PSD3: variants seen among roughly 807,000 people sequenced by gnomAD.
PSD3 encodes the protein pleckstrin and Sec7 domain containing 3.
A neutral mutation model predicts 105.5 loss-of-function variants in PSD3; 49 were observed. The observed-to-expected ratio is 0.46, with a 90% CI of 0.37 to 0.59. The LOEUF (loss-of-function observed/expected upper bound fraction) is 0.59. Among genes scored for constraint, PSD3 ranks in the 20% least tolerant of loss-of-function variants. The pLI is 0.00. For synonymous variants in PSD3, 557 were observed against 457.8 expected (o/e 1.22, Z -2.77); for missense variants, 1,561 against 1,263.8 (o/e 1.24, Z -3.57).
chr8:18,676,740 G>C lies in PSD3; in HGVS notation c.2173-21055C>G, dbSNP rs78834834. Among the ~76,000 whole-genome samples the C allele has an allele frequency of 7.4e-3, 1,120 of 152,244 alleles. 9 individuals are homozygous for C. Among genetic ancestry groups the C allele is most frequent in the Admixed American group, 0.012 (179 of 15,296 alleles). ...AGCCAAGCCTGTATACTTTAGCCTT[G>C]ATAACAATATCTGTGCTTTGCCTAA... is the stretch of plus-strand genomic sequence containing the variant. On this transcript the variant is annotated intron_variant, in intron 9 of 15. Transcript: ENST00000327040.
At chr8:19,006,393 AT>A (rs1211074922) in intron 1 of PSD3, among the ~76,000 whole-genome samples, 2 of 151,864 alleles carry the variant, frequency 1.3e-5, no homozygotes, top group African/African-American at 4.8e-5. Context: ...CCCATAATAA[AT>A]ACTAAATAGA....
intron 1 of PSD3, among the ~76,000 whole-genome samples, chr8:18,955,696 G>C (rs528874138): frequency 1.4e-3 from 209 of 152,276 alleles, no homozygotes; most frequent in African/African-American, 4.7e-3. Flanking sequence ...CCCAGGAGTG[G>C]ACAGGGACTG....
At chr8:18,630,261 G>C (rs774523734) in intron 11 of PSD3, among the ~76,000 whole-genome samples, 36 of 151,780 alleles carry the variant, frequency 2.4e-4, no homozygotes, top group Non-Finnish European at 4.3e-4. Flanking sequence ...AGTTAACTAA[G>C]GCTTTAAAGG....
intron 7 of PSD3, 147 bp from the exon 8 acceptor site, chr8:18,799,500 A>T (rs925885049): frequency 3.2e-6 from 2 of 631,950 alleles, no homozygotes; most frequent in Non-Finnish European, 2.7e-6. Flanking sequence ...CAAAAAATGG[A>T]TAAGAATAAT....
intron 1 of PSD3, among the ~76,000 whole-genome samples, chr8:19,070,521 C>G (rs1829219053): frequency 6.6e-6 from 1 of 151,842 alleles, no homozygotes; most frequent in Non-Finnish European, 1.5e-5. Flanking sequence ...ACTAAAAATA[C>G]AAAAAAATTA....
chr8:18,667,126 C>T (rs1799517288), intron 9 of PSD3, among the ~76,000 whole-genome samples: 1 of 152,138 alleles, frequency 6.6e-6, no homozygotes. Context: ...CAGCGAGTTG[C>T]CACTGGTGGC....
At chr8:18,647,851 T>C (rs899755155) in intron 10 of PSD3, among the ~76,000 whole-genome samples, 14 of 152,200 alleles carry the variant, frequency 9.2e-5, no homozygotes, top group Admixed American at 6.5e-4. Flanking sequence ...TGAGATCTGG[T>C]TGTTTAAAGG....
intron 9 of PSD3, chr8:18,733,756 C>A (rs1366228530): frequency 6.6e-6 from 1 of 152,646 alleles, no homozygotes; most frequent in African/African-American, 2.4e-5. Context: ...TTTCTTCCAG[C>A]TACAGATGTT....
chr8:18,701,575 G>C (rs1801584713), intron 9 of PSD3, among the ~76,000 whole-genome samples: 1 of 152,170 alleles, frequency 6.6e-6, no homozygotes, highest in African/African-American at 2.4e-5. Context: ...GTATGTACTA[G>C]TCTCATCATT....
intron 1 of PSD3, among the ~76,000 whole-genome samples, chr8:19,026,860 C>T (rs930940686): frequency 6.6e-6 from 1 of 151,762 alleles, no homozygotes; most frequent in African/African-American, 2.4e-5. Context: ...GGCCACAGAG[C>T]AAGAGCCTGC....
At chr8:18,995,458 G>A (rs1210329348) in intron 1 of PSD3, among the ~76,000 whole-genome samples, 1 of 151,982 alleles carries the variant, frequency 6.6e-6, no homozygotes, top group East Asian at 1.9e-4. Flanking sequence ...AGTTCCAGCT[G>A]GAAAAGGCCC....
At chr8:18,935,993 C>G in intron 2 of PSD3, 41 bp downstream of exon 2, 1 of 1,315,926 alleles carries the variant, frequency 7.6e-7, no homozygotes, top group Admixed American at 1.7e-5. Context: ...CACAGCTCTT[C>G]ATATAGTTTA....
chr8:19,007,845 T>C (rs1165573090), intron 1 of PSD3, among the ~76,000 whole-genome samples: 2 of 152,106 alleles, frequency 1.3e-5, no homozygotes, highest in African/African-American at 4.8e-5. Flanking sequence ...TTTATTTTTA[T>C]TTTTATTTTT....
chr8:18,749,699 AAAG>A (rs1266535137), intron 9 of PSD3, among the ~76,000 whole-genome samples: 1 of 152,170 alleles, frequency 6.6e-6, no homozygotes, highest in Non-Finnish European at 1.5e-5. Flanking sequence ...GACGAGGCAA[AAAG>A]AAGAGGATGA....
At chr8:18,969,766 G>A (rs900554991) in intron 1 of PSD3, among the ~76,000 whole-genome samples, 3 of 152,082 alleles carry the variant, frequency 2.0e-5, no homozygotes, top group Non-Finnish European at 2.9e-5. Context: ...ATCTTTCAAA[G>A]TCCAAAAATT....
At chr8:18,571,779 A>G (rs879731622) in intron 14 of PSD3, among the ~76,000 whole-genome samples, 4 of 152,252 alleles carry the variant, frequency 2.6e-5, no homozygotes, top group Non-Finnish European at 4.4e-5. Flanking sequence ...TCATAGTAAG[A>G]TAAAACTGTC....
chr8:19,009,614 G>A (rs149920361), intron 1 of PSD3, among the ~76,000 whole-genome samples: 193 of 152,332 alleles, frequency 1.3e-3, no homozygotes, highest in African/African-American at 4.5e-3. Context: ...ACTTGGCCGG[G>A]CCTGGTGGCT....
At chr8:19,062,643 A>G (rs896657962) in intron 1 of PSD3, among the ~76,000 whole-genome samples, 5 of 152,260 alleles carry the variant, frequency 3.3e-5, no homozygotes, top group Admixed American at 6.5e-5. Flanking sequence ...TTCTATAAGT[A>G]AAAGACACAT....
chr8:18,593,458 A>G (rs543258506), intron 12 of PSD3, among the ~76,000 whole-genome samples: 1 of 152,194 alleles, frequency 6.6e-6, no homozygotes, highest in Non-Finnish European at 1.5e-5. Flanking sequence ...GGCGATCGTT[A>G]AAAAGTCAGG....
Sources: allele counts gnomAD v4.1 joint callset (sites outside exome capture counted in the v4.1 genomes callset), GRCh38; gene constraint gnomAD v4.1.1; transcripts MANE v1.5; gene names NCBI Gene and HGNC (gene_info 2026-07-23, HGNC 2026-07-21).